The following GAREM1 variants were observed in gnomAD, a reference collection of about 807,000 sequenced individuals.
GAREM1 encodes GRB2-associated and regulator of MAPK protein 1.
In GAREM1, 26 loss-of-function variants were observed where a neutral mutation model predicts 71.3. That is an observed-to-expected ratio of 0.36 (90% CI 0.27 to 0.51). The LOEUF is 0.51. Among genes scored for constraint, GAREM1 ranks in the 20% least tolerant of loss-of-function variants. The pLI, the probability that GAREM1 is intolerant of heterozygous loss-of-function variation, is 0.95. For synonymous variants in GAREM1, 440 were observed against 433.2 expected (o/e 1.02, Z -0.20); for missense variants, 1,026 against 1,103.1 (o/e 0.93, Z 0.99).
chr18:32,420,722 G>A (rs1341077108), intron 1 of GAREM1, among the ~76,000 whole-genome samples: 4 of 148,506 alleles, frequency 2.7e-5, no homozygotes, highest in African/African-American at 7.5e-5. Context: ...ACCAGCCTGG[G>A]CAACACAGTG....
chr18:32,469,753 T>C (rs1374023690), intron 1 of GAREM1, among the ~76,000 whole-genome samples: 1 of 152,170 alleles, frequency 6.6e-6, no homozygotes, highest in Non-Finnish European at 1.5e-5. Flanking sequence ...TGAAAACATT[T>C]TCTACACACA....
intron 2 of GAREM1, among the ~76,000 whole-genome samples, chr18:32,368,490 T>C (rs148010652): frequency 3.7e-4 from 57 of 152,330 alleles, no homozygotes; most frequent in African/African-American, 1.3e-3. Flanking sequence ...CTAGTAGAAT[T>C]AAAAGAGAGG....
intron 1 of GAREM1, among the ~76,000 whole-genome samples, chr18:32,457,441 T>C (rs2048907325): frequency 6.6e-6 from 1 of 152,060 alleles, no homozygotes; most frequent in African/African-American, 2.4e-5. Context: ...CCCAACTCCA[T>C]GGCCTCTGCT....
intron 1 of GAREM1, among the ~76,000 whole-genome samples, chr18:32,462,587 T>C (rs1218311142): frequency 6.6e-6 from 1 of 152,256 alleles, no homozygotes; most frequent in Non-Finnish European, 1.5e-5. Context: ...GATTGTTTCC[T>C]TTGTCATGCA....
At chr18:32,304,124 T>A (rs1021670944) in intron 3 of GAREM1, among the ~76,000 whole-genome samples, 5 of 151,504 alleles carry the variant, frequency 3.3e-5, no homozygotes, top group African/African-American at 1.2e-4. Context: ...CTGGCCAACA[T>A]GGCGAAACCC....
In GAREM1 at chr18:32,393,010, T is replaced by C; in HGVS notation, c.147A>G (p.Glu49=). ...AGGAATGAATCAGCAGATAGTCATT[T>C]TCCCGCAGCCCTTCTACGCACTCTC... ...DNGECVEGLR[E]NDYLLIHSCR... is the part of the protein sequence containing the mutation. The change falls in exon 2 of 6, where the codon GAA becomes GAG. Residue 49 remains glutamate, a synonymous_variant. Transcript: ENST00000269209. 6.2e-7 allele frequency: 1 copy of C among 1,613,784 alleles called. No homozygotes were observed. The highest frequency in any genetic ancestry group is 8.5e-7 in the Non-Finnish European group (1 of 1,179,816).
chr18:32,375,476 C>T (rs1459518997), intron 2 of GAREM1, among the ~76,000 whole-genome samples: 1 of 152,006 alleles, frequency 6.6e-6, no homozygotes, highest in Admixed American at 6.6e-5. Context: ...AAACTGAGTC[C>T]AATGCCAGTC....
At chr18:32,462,957 T>C (rs2144314781) in intron 1 of GAREM1, among the ~76,000 whole-genome samples, 1 of 152,200 alleles carries the variant, frequency 6.6e-6, no homozygotes, top group East Asian at 1.9e-4. Flanking sequence ...AGGTTGGCCA[T>C]TGGGTACAAT....
At chr18:32,336,696 C>T (rs1368251576) in intron 2 of GAREM1, among the ~76,000 whole-genome samples, 2 of 152,172 alleles carry the variant, frequency 1.3e-5, no homozygotes, top group Non-Finnish European at 2.9e-5. Flanking sequence ...CCCACTCAAA[C>T]ACTCTGATGG....
chr18:32,326,441 C>T (rs754336351), intron 2 of GAREM1, among the ~76,000 whole-genome samples: 8 of 152,146 alleles, frequency 5.3e-5, no homozygotes, highest in Non-Finnish European at 1.2e-4. Flanking sequence ...GCTAGTAAAA[C>T]GCAAAGGCCC....
chr18:32,447,478 TA>T (rs2144285806), intron 1 of GAREM1, among the ~76,000 whole-genome samples: 1 of 152,322 alleles, frequency 6.6e-6, no homozygotes, highest in Admixed American at 6.5e-5. Flanking sequence ...AAATTCCCTT[TA>T]TAGAAAAGTA....
In GAREM1 at chr18:32,264,518, G is replaced by A. The variant is rs540950829; in HGVS notation, c.*3353C>T. 4 of 152,296 alleles carry A rather than the reference G, an allele frequency of 2.6e-5. No individual in the cohort carries two copies. In the East Asian group the frequency reaches 5.8e-4, roughly 22 times the overall value. The allele number at this position is 152,296 out of a possible 1,614,324, so 9.4% of individuals were successfully genotyped here. A position where few individuals can be genotyped will look rare whatever the true frequency, so the allele number is the denominator to read the frequency against. ...TGGCTGTGGAATGTGAGCAGAGACT[G>A]TTTATGCATGTGTCTGAGAACAGTT... is the stretch of plus-strand genomic sequence containing the variant. On this transcript the variant is annotated 3_prime_UTR_variant, in exon 6 of 6. Transcript: ENST00000269209.
intron 2 of GAREM1, among the ~76,000 whole-genome samples, chr18:32,342,440 C>G (rs531667240): frequency 3.0e-4 from 45 of 152,326 alleles, no homozygotes; most frequent in African/African-American, 1.0e-3. Context: ...ATGGCACACA[C>G]AACCTTGCAT....
At chr18:32,355,827 A>G (rs914101523) in intron 2 of GAREM1, among the ~76,000 whole-genome samples, 4 of 152,220 alleles carry the variant, frequency 2.6e-5, no homozygotes. Context: ...TTAGGTCAAT[A>G]CAATCATTGG....
chr18:32,326,377 C>T (rs1453668734), intron 2 of GAREM1, among the ~76,000 whole-genome samples: 1 of 152,102 alleles, frequency 6.6e-6, no homozygotes, highest in Admixed American at 6.5e-5. Flanking sequence ...ATGACAGTGG[C>T]CTAGAGTCCT....
intron 3 of GAREM1, among the ~76,000 whole-genome samples, chr18:32,292,690 G>T (rs1433066717): frequency 6.6e-6 from 1 of 152,172 alleles, no homozygotes; most frequent in Non-Finnish European, 1.5e-5. Context: ...CTGTGAAGAG[G>T]TGCCTTTCTC....
chr18:32,351,031 C>T (rs939526573), intron 2 of GAREM1, among the ~76,000 whole-genome samples: 2 of 152,076 alleles, frequency 1.3e-5, no homozygotes, highest in African/African-American at 4.8e-5. Flanking sequence ...CTTACTATTT[C>T]TTAGTCCTTT....
At chr18:32,440,390 G>C (rs2048723193) in intron 1 of GAREM1, among the ~76,000 whole-genome samples, 1 of 152,066 alleles carries the variant, frequency 6.6e-6, no homozygotes, top group Admixed American at 6.6e-5. Flanking sequence ...AAATTCTCAA[G>C]AGAGAATTAA....
intron 2 of GAREM1, among the ~76,000 whole-genome samples, chr18:32,353,886 A>C (rs987526010): frequency 6.6e-6 from 1 of 152,172 alleles, no homozygotes; most frequent in Non-Finnish European, 1.5e-5. Flanking sequence ...GGGAGAACTA[A>C]AATGCTCAAA....
Sources: allele counts gnomAD v4.1 joint callset (sites outside exome capture counted in the v4.1 genomes callset), GRCh38; gene constraint gnomAD v4.1.1; transcripts MANE v1.5; gene names NCBI Gene and HGNC (gene_info 2026-07-23, HGNC 2026-07-21).